KIF26B: variants seen among roughly 807,000 people sequenced by gnomAD.
KIF26B encodes kinesin family member 26B, also known as kinesin-like protein KIF26B.
KIF26B carries 63 observed loss-of-function variants against 151.2 expected under a neutral mutation model. The ratio of observed to expected loss-of-function variants is 0.42; its 90% CI spans 0.34 to 0.51. KIF26B has a LOEUF of 0.51. Ranked by LOEUF, KIF26B falls within the 20% of genes least tolerant of loss-of-function variation. KIF26B has a pLI of 0.07. For missense variants in KIF26B, 2,813 were observed against 2,913.6 expected (o/e 0.97, Z 0.79); for synonymous variants, 1,357 against 1,262.1 (o/e 1.08, Z -1.59).
intron 2 of KIF26B, among the ~76,000 whole-genome samples, chr1:245,209,016 C>T (rs73127125): frequency 9.1e-4 from 139 of 152,346 alleles, no homozygotes; most frequent in African/African-American, 2.8e-3. Context: ...TTTAGTTCTT[C>T]GCCAGACTGT....
At chr1:245,205,831 C>G (rs1345367236) in intron 2 of KIF26B, among the ~76,000 whole-genome samples, 1 of 149,338 alleles carries the variant, frequency 6.7e-6, no homozygotes, top group Non-Finnish European at 1.5e-5. Context: ...ACTCAGCACT[C>G]TCCCCCACCC....
intron 10 of KIF26B, among the ~76,000 whole-genome samples, chr1:245,662,148 TA>T (rs1383190789): frequency 4.1e-4 from 62 of 150,206 alleles, no homozygotes; most frequent in African/African-American, 1.3e-3. Context: ...ACACACCCCA[TA>T]TATATATACC....
intron 2 of KIF26B, among the ~76,000 whole-genome samples, chr1:245,254,762 C>T (rs896543934): frequency 6.6e-6 from 1 of 152,114 alleles, no homozygotes; most frequent in African/African-American, 2.4e-5. Context: ...CAGTGCATTC[C>T]AAGAGGGCTG....
At chr1:245,506,436 A>G (rs1660730449) in intron 4 of KIF26B, among the ~76,000 whole-genome samples, 1 of 152,206 alleles carries the variant, frequency 6.6e-6, no homozygotes, top group Non-Finnish European at 1.5e-5. Flanking sequence ...TCTGCCCAAT[A>G]AACCAGAATT....
At chr1:245,233,658 C>A (rs1407283105) in intron 2 of KIF26B, among the ~76,000 whole-genome samples, 4 of 152,158 alleles carry the variant, frequency 2.6e-5, no homozygotes, top group Non-Finnish European at 5.9e-5. Flanking sequence ...AAAAAAAAAT[C>A]TCTTAACTAA....
intron 2 of KIF26B, among the ~76,000 whole-genome samples, chr1:245,363,833 C>G (rs917285050): frequency 6.6e-6 from 1 of 152,094 alleles, no homozygotes. Context: ...CTGTGGCGGT[C>G]GTATTGATGT....
At chr1:245,559,992 G>A (rs1461303606) in intron 5 of KIF26B, among the ~76,000 whole-genome samples, 1 of 151,710 alleles carries the variant, frequency 6.6e-6, no homozygotes, top group Admixed American at 6.6e-5. Context: ...TTCATCTGCT[G>A]TCGTCTCTGC....
intron 5 of KIF26B, among the ~76,000 whole-genome samples, chr1:245,584,266 G>A (rs1193770837): frequency 3.3e-5 from 5 of 152,166 alleles, no homozygotes; most frequent in African/African-American, 1.2e-4. Flanking sequence ...GGCTTCCCTA[G>A]AGGCTGAGCA....
chr1:245,418,041 G>T (rs372335789), intron 3 of KIF26B, among the ~76,000 whole-genome samples: 3 of 152,246 alleles, frequency 2.0e-5, no homozygotes, highest in African/African-American at 7.2e-5. Context: ...CATGGTCCGG[G>T]AGGCATGATG....
chr1:245,221,377 TA>T (rs74163026), intron 2 of KIF26B, among the ~76,000 whole-genome samples: 3,215 of 131,984 alleles, frequency 0.024, 74 homozygotes, highest in East Asian at 0.095. Context: ...AAGTTTGAAG[TA>T]AAAAAAAAAA....
chr1:245,701,206 T>C (rs2044767368), intron 14 of KIF26B, among the ~76,000 whole-genome samples: 2 of 152,238 alleles, frequency 1.3e-5, no homozygotes, highest in Non-Finnish European at 2.9e-5. Flanking sequence ...AGGGGAAATA[T>C]ATATTGTTTC....
chr1:245,335,708 C>T (rs1385627748), intron 2 of KIF26B, among the ~76,000 whole-genome samples: 3 of 136,012 alleles, frequency 2.2e-5, no homozygotes, highest in East Asian at 2.3e-4. Context: ...AAGGGTCCCA[C>T]GTGGGGAAAG....
chr1:245,691,255 C>T (rs886549401), intron 12 of KIF26B, among the ~76,000 whole-genome samples: 4 of 152,190 alleles, frequency 2.6e-5, no homozygotes, highest in African/African-American at 9.7e-5. Context: ...GACTGCTTGG[C>T]GAGCAGGCAG....
At chr1:245,605,030 G>C (rs561292528) in intron 6 of KIF26B, among the ~76,000 whole-genome samples, 2 of 152,098 alleles carry the variant, frequency 1.3e-5, no homozygotes, top group Non-Finnish European at 2.9e-5. Context: ...TGCTCGGTAT[G>C]GTGGTGTATC....
chr1:245,267,383 C>T (rs954593232), intron 2 of KIF26B, among the ~76,000 whole-genome samples: 4 of 152,096 alleles, frequency 2.6e-5, no homozygotes, highest in African/African-American at 4.8e-5. Flanking sequence ...CCCAGCATTG[C>T]GAAGTACACC....
chr1:245,404,045 A>G (rs940065319), intron 3 of KIF26B, among the ~76,000 whole-genome samples: 1 of 152,296 alleles, frequency 6.6e-6, no homozygotes, highest in East Asian at 1.9e-4. Context: ...CCCTACACAC[A>G]TGGAAACACT....
rs1672554478 is a variant in KIF26B, at chr1:245,350,854, T to C, written c.466-15980T>C. 2.6e-5 allele frequency among the ~76,000 whole-genome samples: 4 copies of C among 152,328 alleles called. No individual in the cohort carries two copies. The South Asian group carries it at 8.3e-4, about 32-fold the overall frequency. ...TATGTGTGAAGTCTTCATGGGTAACTATCTCCAAAGCATTTAATGATTCTC... is the reference window on the plus strand; with the variant it reads ...TATGTGTGAAGTCTTCATGGGTAACCATCTCCAAAGCATTTAATGATTCTC... On this transcript the variant is annotated intron_variant, in intron 2 of 14. Coordinates refer to ENST00000407071, the MANE Select transcript of KIF26B (RefSeq NM_018012.4).
rs746591973 is a variant in KIF26B at position 245,581,704 on chromosome 1, A to G, written c.1351-20873A>G. ...TGCTACGCTGGCTTCACCACATGTA[A>G]TTATTGAACTTTGTATATCACTTTA... On this transcript the variant is annotated intron_variant, in intron 5 of 14. Transcript: ENST00000407071. 6.6e-5 allele frequency among the ~76,000 whole-genome samples: 10 copies of G among 152,230 alleles called. No individual in the cohort carries two copies. The South Asian group carries it at 2.1e-3, about 32-fold the overall frequency.
chr1:245,193,780 G>A (rs890375084), intron 2 of KIF26B, among the ~76,000 whole-genome samples: 5 of 152,176 alleles, frequency 3.3e-5, no homozygotes, highest in Non-Finnish European at 1.5e-5. Context: ...CCTCCACTGC[G>A]CCAGATTTAT....
Sources: allele counts gnomAD v4.1 joint callset (sites outside exome capture counted in the v4.1 genomes callset), GRCh38; gene constraint gnomAD v4.1.1; transcripts MANE v1.5; gene names NCBI Gene and HGNC (gene_info 2026-07-23, HGNC 2026-07-21).